Variants in LGSN observed in about 807,000 individuals in gnomAD.
LGSN encodes lengsin, lens protein with glutamine synthetase domain, also known as lengsin.
In LGSN, 21 loss-of-function variants were observed where a neutral mutation model predicts 19.5. The observed-to-expected ratio is 1.07, with a 90% confidence interval of 0.76 to 1.55. The LOEUF (loss-of-function observed/expected upper bound fraction) is 1.55, where lower values mean the gene tolerates loss of function less well. LGSN is among the 40% of genes most tolerant of loss of function. LGSN has a pLI of 0.00. For missense variants in LGSN, 673 were observed against 608.5 expected, an observed-to-expected ratio of 1.11 and a Z score of -1.12; for synonymous variants, 257 against 215.6, an observed-to-expected ratio of 1.19 and a Z score of -1.68.
the LGSN span, among the ~76,000 whole-genome samples, chr6:63,531,630 T>C: frequency 6.6e-6 from 1 of 150,456 alleles, no homozygotes; most frequent in Non-Finnish European, 1.5e-5. Context: ...GCTGGGACTA[T>C]AGGCACGAGC....
the LGSN span, among the ~76,000 whole-genome samples, chr6:63,455,218 T>A: frequency 1.3e-5 from 2 of 152,222 alleles, no homozygotes; most frequent in Non-Finnish European, 2.9e-5. Context: ...ATGCAAACTT[T>A]ATCCAGTTCA....
At chr6:63,372,377 G>T in the LGSN span, among the ~76,000 whole-genome samples, 3 of 152,272 alleles carry the variant, frequency 2.0e-5, no homozygotes, top group South Asian at 6.2e-4. Flanking sequence ...ATCCAAATAT[G>T]CTGAGATAGA....
the LGSN span, among the ~76,000 whole-genome samples, chr6:63,344,306 C>T: frequency 1.3e-5 from 2 of 152,168 alleles, no homozygotes; most frequent in Non-Finnish European, 2.9e-5. Flanking sequence ...ATGTAAGTTG[C>T]TTTTGAAATT....
At chr6:63,538,486 CTAAG>C in the LGSN span, among the ~76,000 whole-genome samples, 1 of 152,110 alleles carries the variant, frequency 6.6e-6, no homozygotes, top group South Asian at 2.1e-4. Context: ...ATTCGAGACA[CTAAG>C]TGATAAAGTT....
chr6:63,501,966 C>A, the LGSN span, among the ~76,000 whole-genome samples: 2 of 152,100 alleles, frequency 1.3e-5, no homozygotes, highest in Admixed American at 1.3e-4. Context: ...CAGCTATTTT[C>A]TTTTCAGTTT....
chr6:63,371,555 G>A, the LGSN span, among the ~76,000 whole-genome samples: 97 of 152,330 alleles, frequency 6.4e-4, no homozygotes, highest in African/African-American at 2.3e-3. Context: ...TATTTCTGCT[G>A]TACCTCTGGA....
the LGSN span, among the ~76,000 whole-genome samples, chr6:63,347,321 A>G: frequency 6.6e-6 from 1 of 152,198 alleles, no homozygotes. Flanking sequence ...TTTAAAACAA[A>G]AAAAAGAACT....
chr6:63,444,069 G>T, the LGSN span, among the ~76,000 whole-genome samples: 10 of 152,262 alleles, frequency 6.6e-5, no homozygotes, highest in African/African-American at 2.2e-4. Context: ...GTCACCCAGA[G>T]AATTTTTTAT....
chr6:63,420,597 T>C, the LGSN span, among the ~76,000 whole-genome samples: 1 of 152,214 alleles, frequency 6.6e-6, no homozygotes, highest in African/African-American at 2.4e-5. Context: ...GAGCCAGAAT[T>C]CACAGACTAC....
At chr6:63,305,981 C>T (rs1200376577) in intron 1 of LGSN, among the ~76,000 whole-genome samples, 2 of 152,032 alleles carry the variant, frequency 1.3e-5, no homozygotes, top group South Asian at 2.1e-4. Flanking sequence ...GCATAAGAAT[C>T]GCTTAAACCC....
the LGSN span, among the ~76,000 whole-genome samples, chr6:63,421,943 A>G: frequency 1.3e-5 from 2 of 152,204 alleles, no homozygotes; most frequent in African/African-American, 4.8e-5. Flanking sequence ...CTTTGACAAA[A>G]AAGATATGAA....
the LGSN span, among the ~76,000 whole-genome samples, chr6:63,359,521 G>A: frequency 3.3e-5 from 5 of 152,088 alleles, no homozygotes; most frequent in African/African-American, 4.8e-5. Context: ...GCCTGTTATC[G>A]GTCTATTCAG....
chr6:63,443,679 C>A, the LGSN span: 7 of 478,740 alleles, frequency 1.5e-5, no homozygotes, highest in Non-Finnish European at 2.0e-5. Context: ...ATCAGACCTA[C>A]CTGCCATCAT....
the LGSN span, among the ~76,000 whole-genome samples, chr6:63,523,613 C>G: frequency 1.3e-5 from 2 of 152,212 alleles, no homozygotes; most frequent in African/African-American, 2.4e-5. Flanking sequence ...TAAGCCCACT[C>G]AGATCTAAGA....
At chr6:63,525,602 G>A in the LGSN span, among the ~76,000 whole-genome samples, 1 of 152,182 alleles carries the variant, frequency 6.6e-6, no homozygotes, top group Non-Finnish European at 1.5e-5. Flanking sequence ...GCGTTCTGAA[G>A]CACCAGTGCC....
chr6:63,295,130 C>A, intron 1 of LGSN, 85 bp from the exon 2 acceptor site: 2 of 1,297,178 alleles, frequency 1.5e-6, no homozygotes, highest in Admixed American at 1.9e-5. Context: ...ATTTGAATAG[C>A]TCAATTTTTT....
At chr6:63,459,507 C>T in the LGSN span, among the ~76,000 whole-genome samples, 2 of 152,062 alleles carry the variant, frequency 1.3e-5, no homozygotes, top group Non-Finnish European at 2.9e-5. Context: ...CTCCAACCTC[C>T]GCCTCCCAAA....
the LGSN span, among the ~76,000 whole-genome samples, chr6:63,349,136 C>T: frequency 6.6e-6 from 1 of 152,102 alleles, no homozygotes; most frequent in Admixed American, 6.5e-5. Flanking sequence ...GTCCTTTAGA[C>T]CTTGATTTTC....
chr6:63,407,071 T>G, the LGSN span, among the ~76,000 whole-genome samples: 1 of 151,940 alleles, frequency 6.6e-6, no homozygotes, highest in Non-Finnish European at 1.5e-5. Context: ...CAGGACCAGA[T>G]GGATTCACAG....
Sources: allele counts gnomAD v4.1 joint callset (sites outside exome capture counted in the v4.1 genomes callset), GRCh38; gene constraint gnomAD v4.1.1; transcripts MANE v1.5; gene names NCBI Gene and HGNC (gene_info 2026-07-23, HGNC 2026-07-21).